Variants in FBXL17 observed in about 807,000 individuals in gnomAD.
FBXL17 encodes F-box/LRR-repeat protein 17.
A neutral mutation model predicts 66.2 loss-of-function variants in FBXL17; 22 were observed. The ratio of observed to expected loss-of-function variants is 0.33; its 90% CI spans 0.24 to 0.47. The LOEUF (loss-of-function observed/expected upper bound fraction) is 0.47. Ranked by LOEUF, FBXL17 falls within the 20% of genes least tolerant of loss-of-function variation. The pLI is 1.00. For synonymous variants in FBXL17, 474 were observed against 400.5 expected (o/e 1.18, Z -2.19); for missense variants, 878 against 948.2 (o/e 0.93, Z 0.97).
chr5:108,130,589 T>A (rs1290577228), intron 6 of FBXL17, among the ~76,000 whole-genome samples: 2 of 152,090 alleles, frequency 1.3e-5, no homozygotes, highest in Non-Finnish European at 2.9e-5. Flanking sequence ...ACAGCTTTTC[T>A]GTATGCTGAA....
At chr5:108,242,177 C>T (rs1033920672) in intron 4 of FBXL17, among the ~76,000 whole-genome samples, 45 of 152,110 alleles carry the variant, frequency 3.0e-4, no homozygotes, top group African/African-American at 8.4e-4. Context: ...AGTAGAAAGA[C>T]TAAAAGATGA....
chr5:108,236,555 A>AAAAC (rs1201998440), intron 4 of FBXL17, among the ~76,000 whole-genome samples: 1 of 152,046 alleles, frequency 6.6e-6, no homozygotes, highest in Non-Finnish European at 1.5e-5. Context: ...ACACAAAACA[A>AAAAC]AAACAAACAA....
intron 7 of FBXL17, among the ~76,000 whole-genome samples, chr5:107,991,651 C>T (rs1753254577): frequency 6.6e-6 from 1 of 152,214 alleles, no homozygotes; most frequent in African/African-American, 2.4e-5. Context: ...GTGGCCACGA[C>T]AGTTTGCAGA....
intron 6 of FBXL17, among the ~76,000 whole-genome samples, chr5:108,174,969 T>C (rs1752739466): frequency 6.6e-6 from 1 of 152,152 alleles, no homozygotes; most frequent in Non-Finnish European, 1.5e-5. Context: ...ATGTAATACA[T>C]AACGCAAGCT....
intron 4 of FBXL17, among the ~76,000 whole-genome samples, chr5:108,274,665 A>G (rs1757412796): frequency 6.6e-6 from 1 of 152,224 alleles, no homozygotes; most frequent in Non-Finnish European, 1.5e-5. Flanking sequence ...ATAAGTGTCC[A>G]TGAAATCTTT....
At chr5:107,938,937 C>T (rs537500265) in intron 7 of FBXL17, among the ~76,000 whole-genome samples, 14 of 152,090 alleles carry the variant, frequency 9.2e-5, no homozygotes, top group African/African-American at 3.1e-4. Flanking sequence ...ATTTCTAGGA[C>T]CTTTACAAAC....
At chr5:108,217,249 A>G (rs1031268198) in intron 5 of FBXL17, among the ~76,000 whole-genome samples, 2 of 151,902 alleles carry the variant, frequency 1.3e-5, no homozygotes, top group African/African-American at 4.8e-5. Context: ...TGCTTATTAA[A>G]CTTTCGCTCT....
chr5:108,254,342 G>A (rs1320516473), intron 4 of FBXL17, among the ~76,000 whole-genome samples: 1 of 152,120 alleles, frequency 6.6e-6, no homozygotes, highest in Non-Finnish European at 1.5e-5. Flanking sequence ...TATTTTAGAG[G>A]AGACAAGAAA....
chr5:108,305,355 T>C (rs1424406370), intron 4 of FBXL17, among the ~76,000 whole-genome samples: 1 of 151,702 alleles, frequency 6.6e-6, no homozygotes, highest in African/African-American at 2.4e-5. Flanking sequence ...CAGGGAAGAA[T>C]AGCTAATGGA....
chr5:108,002,554 T>G (rs1479821656), intron 7 of FBXL17, among the ~76,000 whole-genome samples: 1 of 152,148 alleles, frequency 6.6e-6, no homozygotes, highest in African/African-American at 2.4e-5. Context: ...TGAGAACACG[T>G]GTTCAAATGA....
intron 4 of FBXL17, among the ~76,000 whole-genome samples, chr5:108,294,760 C>T (rs1437243858): frequency 6.6e-6 from 1 of 151,840 alleles, no homozygotes; most frequent in Non-Finnish European, 1.5e-5. Flanking sequence ...AATATAAAAA[C>T]AAGTTAAAAA....
At chr5:108,252,057 T>A (rs949047263) in intron 4 of FBXL17, among the ~76,000 whole-genome samples, 3 of 152,078 alleles carry the variant, frequency 2.0e-5, no homozygotes, top group African/African-American at 7.2e-5. Flanking sequence ...TATGCAGATA[T>A]GTGTGTACTT....
chr5:108,256,204 A>T (rs896135911), intron 4 of FBXL17, among the ~76,000 whole-genome samples: 2 of 152,290 alleles, frequency 1.3e-5, no homozygotes, highest in East Asian at 3.9e-4. Flanking sequence ...TTACATTTAC[A>T]TCCCCTGCTA....
intron 6 of FBXL17, among the ~76,000 whole-genome samples, chr5:108,147,224 C>A (rs1272666829): frequency 1.3e-5 from 2 of 152,166 alleles, no homozygotes; most frequent in East Asian, 3.8e-4. Flanking sequence ...AGAGTTTTCC[C>A]AACATCCAGC....
intron 7 of FBXL17, among the ~76,000 whole-genome samples, chr5:107,974,852 G>A (rs188615032): frequency 1.4e-3 from 206 of 152,090 alleles, no homozygotes; most frequent in African/African-American, 4.9e-3. Context: ...ACAGAAAAAG[G>A]AACATGTATC....
chr5:108,349,732 C>T (rs1004939937), intron 3 of FBXL17, among the ~76,000 whole-genome samples: 3 of 152,120 alleles, frequency 2.0e-5, no homozygotes, highest in Non-Finnish European at 2.9e-5. Flanking sequence ...ATTTTAAATG[C>T]GCAAATACAA....
At chr5:107,923,213 A>C (rs922908667) in intron 7 of FBXL17, among the ~76,000 whole-genome samples, 1 of 152,136 alleles carries the variant, frequency 6.6e-6, no homozygotes, top group African/African-American at 2.4e-5. Context: ...GTGCTCAATA[A>C]ATATTTGTTA....
chr5:108,279,725 A>C, intron 4 of FBXL17, among the ~76,000 whole-genome samples: 1 of 152,188 alleles, frequency 6.6e-6, no homozygotes, highest in South Asian at 2.1e-4. Context: ...GAACACAGAA[A>C]AATAATTAAG....
intron 7 of FBXL17, among the ~76,000 whole-genome samples, chr5:108,011,243 C>T (rs1246136798): frequency 6.6e-6 from 1 of 152,182 alleles, no homozygotes; most frequent in South Asian, 2.1e-4. Flanking sequence ...CCAACATCAG[C>T]TGGTGAGGAC....
Sources: gnomAD v4.1 joint callset for allele counts (sites outside exome capture counted in the v4.1 genomes callset) on GRCh38, gnomAD v4.1.1 for gene constraint, MANE v1.5 for transcripts, NCBI Gene and HGNC (gene_info 2026-07-23, HGNC 2026-07-21) for gene names.